COPA: variants seen among roughly 807,000 people sequenced by gnomAD.
The protein encoded by COPA is coat protein complex I subunit alpha.
In COPA, 10 loss-of-function variants were observed where a neutral mutation model predicts 158.7. That is an observed-to-expected ratio of 0.06 (90% CI 0.04 to 0.11). The LOEUF (loss-of-function observed/expected upper bound fraction) is 0.11, where lower values mean the gene tolerates loss of function less well. Ranked by LOEUF, COPA falls within the 10% of genes least tolerant of loss-of-function variation. The pLI is 1.00. For synonymous variants in COPA, 462 were observed against 542.8 expected, an observed-to-expected ratio of 0.85 and a Z score of 2.07; for missense variants, 1,065 against 1,536.7, an observed-to-expected ratio of 0.69 and a Z score of 5.13.
chr1:160,335,126 GA>G (rs2101874577), intron 4 of COPA, 115 bp downstream of exon 4: 1 of 831,808 alleles, frequency 1.2e-6, no homozygotes, highest in South Asian at 1.9e-5. Flanking sequence ...ACAGATTGTA[GA>G]AGAGCCACTC....
At chr1:160,308,175 T>TG (rs1290989390) in intron 13 of COPA, among the ~76,000 whole-genome samples, 1 of 69,212 alleles carries the variant, frequency 1.4e-5, no homozygotes, top group African/African-American at 6.2e-5. Context: ...TAAACACAGA[T>TG]GGGGAAAAAA....
chr1:160,324,913 A>G (rs1390511539), intron 7 of COPA, among the ~76,000 whole-genome samples: 1 of 152,200 alleles, frequency 6.6e-6, no homozygotes, highest in African/African-American at 2.4e-5. Context: ...ATCCTGGATA[A>G]GGCAGTTTTG....
chr1:160,311,001 A>G (rs1481461513), intron 11 of COPA, among the ~76,000 whole-genome samples: 3 of 152,188 alleles, frequency 2.0e-5, no homozygotes, highest in African/African-American at 7.2e-5. Context: ...TTCCATCCAC[A>G]AGGTCACTAG....
intron 8 of COPA, 115 bp from the exon 9 acceptor site, chr1:160,314,240 C>T (rs771138918): frequency 1.9e-5 from 21 of 1,106,394 alleles, no homozygotes; most frequent in Non-Finnish European, 2.6e-5. Flanking sequence ...TGCTAAATTG[C>T]CAACTTCTTT....
intron 8 of COPA, among the ~76,000 whole-genome samples, chr1:160,322,004 A>G (rs917541205): frequency 5.9e-5 from 9 of 152,198 alleles, no homozygotes; most frequent in African/African-American, 2.2e-4. Context: ...GGGTTGAAAG[A>G]ATATTGTAAA....
At position 160,301,834 on chromosome 1, in the gene COPA, T is replaced by C. The variant is rs139915470; in HGVS notation, c.1668-2570A>G. Among the ~76,000 whole-genome samples the C allele has an allele frequency of 1.9e-3, 288 of 151,818 alleles. 1 individual carries two copies. Among genetic ancestry groups the C allele is most frequent in the African/African-American group, 6.2e-3 (257 of 41,464 alleles). On this transcript the variant is annotated intron_variant, in intron 17 of 32. Transcript: ENST00000241704. Reference sequence around the variant, plus strand: ...TAAATAAATTCAACATTTAGGTTGGTAAATGTTGAATTTTACCAAGGTAAA... The same window carrying C: ...TAAATAAATTCAACATTTAGGTTGGCAAATGTTGAATTTTACCAAGGTAAA...
At chr1:160,301,231 A>G (rs1015086239) in intron 17 of COPA, among the ~76,000 whole-genome samples, 4 of 152,198 alleles carry the variant, frequency 2.6e-5, no homozygotes, top group South Asian at 2.1e-4. Context: ...GACTACCCCA[A>G]TGCTGGCTGA....
chr1:160,315,526 C>G (rs775779561), intron 8 of COPA, among the ~76,000 whole-genome samples: 3 of 152,222 alleles, frequency 2.0e-5, no homozygotes, highest in African/African-American at 7.2e-5. Context: ...CCTCCCCATT[C>G]AGGACAGACA....
Position 160,305,771 on chromosome 1 carries a change from G to A in COPA, c.1445C>T (p.Thr482Ile). The A allele has an allele frequency of 6.2e-7, 1 of 1,613,282 alleles. No individual in the cohort carries two copies. Among genetic ancestry groups the A allele is most frequent in the Non-Finnish European group, 8.5e-7 (1 of 1,179,408 alleles). Residue 482 changes from threonine (T) to isoleucine (I), a missense_variant and splice_region_variant, in exon 16 of 33, where the codon ACT becomes ATT. Physicochemically the swap from Thr to Ile is moderately conservative, Grantham distance 89. Coordinates refer to ENST00000241704, the MANE Select transcript of COPA (RefSeq NM_004371.4). Reference protein sequence around the residue: ...ITLFDVQQKRTLASVKISKVK... With the variant: ...ITLFDVQQKRILASVKISKVK... ...TTTAGAAATCTTCACAGATGCCAGA[G>A]TCCTGAGATAGATAGAGATGTGCAA... is the stretch of plus-strand genomic sequence containing the variant.
intron 3 of COPA, among the ~76,000 whole-genome samples, chr1:160,338,542 T>C (rs149151378): frequency 6.6e-6 from 1 of 152,358 alleles, no homozygotes; most frequent in Non-Finnish European, 1.5e-5. Flanking sequence ...GAAATTTTGA[T>C]TTATTTTTAT....
chr1:160,291,713 T>C, intron 30 of COPA, 106 bp downstream of exon 30: 1 of 1,254,272 alleles, frequency 8.0e-7, no homozygotes, highest in Non-Finnish European at 1.1e-6. Context: ...GGCCTAAATT[T>C]CTCTTCATCC....
At position 160,293,171 on chromosome 1, in the gene COPA, T is replaced by C. The variant is rs1448141499; in HGVS notation, c.2818A>G (p.Met940Val). ...GAAAAGCCAAGGTTACTTACCCGCA[T>C]GGCTGTTTCGAAAGAGCCTGCCAGG... Reference protein sequence around the residue: ...HILAGSFETAMRLLHDQVGVI... With the variant: ...HILAGSFETAVRLLHDQVGVI... The change falls in exon 27 of 33, where the codon ATG becomes GTG. Residue 940 changes from methionine (M) to valine (V), a missense_variant. By Grantham distance (21) the Met-to-Val change is conservative (BLOSUM62 1). Around this residue, in one of 2 missense-constraint regions of COPA, gnomAD observed 980 missense variants for 1,357.8 expected, o/e 0.72. Coordinates refer to ENST00000241704, the MANE Select transcript of COPA (RefSeq NM_004371.4). The C allele has an allele frequency of 1.9e-6, 3 of 1,614,200 alleles. No homozygotes were observed. In the South Asian group the frequency reaches 3.3e-5, roughly 18 times the overall value.
chr1:160,290,149 AG>A lies in COPA; in HGVS notation c.*7del. On this transcript the variant is annotated 3_prime_UTR_variant, in exon 33 of 33. Transcript: ENST00000241704. ...TATGGTGACTGACCCATGCACACAA[AG>A]GGGGCCTTAGCGAAACTGCAGAGGA... 2 of 1,613,952 alleles carry A rather than the reference AG, an allele frequency of 1.2e-6. No individual in the cohort carries two copies. Among genetic ancestry groups the A allele is most frequent in the Non-Finnish European group, 8.5e-7 (1 of 1,179,836 alleles).
intron 8 of COPA, among the ~76,000 whole-genome samples, chr1:160,319,630 G>A (rs1205184373): frequency 6.6e-6 from 1 of 150,656 alleles, no homozygotes; most frequent in African/African-American, 2.4e-5. Flanking sequence ...TATACTTTAG[G>A]CCACAAAACA....
intron 23 of COPA, 70 bp from the exon 24 acceptor site, chr1:160,294,927 G>T: frequency 1.5e-6 from 2 of 1,351,034 alleles, no homozygotes; most frequent in Non-Finnish European, 2.1e-6. Flanking sequence ...TTTTCTGTAG[G>T]CAGGTTAAAT....
rs1252581413 is a variant in COPA, at chr1:160,288,827, G to A, written c.*1330C>T. Among the ~76,000 whole-genome samples, 8 of 152,038 alleles carry A rather than the reference G, an allele frequency of 5.3e-5. No homozygotes were observed. The highest frequency in any genetic ancestry group is 1.9e-4 in the African/African-American group (8 of 41,404). The stretch of plus-strand genomic sequence containing the variant: ...ATATCTAGAACAGTGACAGTCACAT[G>A]GCAGGTGCTCAATAAATATTGCTAT... On this transcript the variant is annotated 3_prime_UTR_variant, in exon 33 of 33. Coordinates refer to ENST00000241704, the MANE Select transcript of COPA (RefSeq NM_004371.4).
chr1:160,329,357 TA>T (rs1323829223), intron 6 of COPA, among the ~76,000 whole-genome samples: 1 of 152,166 alleles, frequency 6.6e-6, no homozygotes, highest in Non-Finnish European at 1.5e-5. Flanking sequence ...GGTTATTACA[TA>T]GTAATCCATG....
At chr1:160,294,368 G>C (rs781277701) in intron 25 of COPA, 116 bp downstream of exon 25, 14 of 840,702 alleles carry the variant, frequency 1.7e-5, no homozygotes, top group Non-Finnish European at 2.6e-5. Context: ...GCTGACCTTA[G>C]GATAGTGGTA....
chr1:160,291,748 A>T, intron 30 of COPA, 71 bp downstream of exon 30: 1 of 1,477,990 alleles, frequency 6.8e-7, no homozygotes, highest in Non-Finnish European at 9.3e-7. Flanking sequence ...GTTTGAAATT[A>T]AAGAATTCAA....
Sources: allele counts gnomAD v4.1 joint callset (sites outside exome capture counted in the v4.1 genomes callset), GRCh38; gene constraint gnomAD v4.1.1; regional missense constraint gnomAD v4.1.1; transcripts MANE v1.5; gene names NCBI Gene and HGNC (gene_info 2026-07-23, HGNC 2026-07-21).